The following ADARB2 variants were observed in gnomAD, a reference collection of about 807,000 sequenced individuals.
ADARB2 encodes adenosine deaminase RNA specific B2 (inactive), also known as inactive double-stranded RNA-specific editase B2.
ADARB2 carries 25 observed loss-of-function variants against 62.2 expected under a neutral mutation model. That is an observed-to-expected ratio of 0.40 (90% confidence interval 0.29 to 0.56). ADARB2 has a LOEUF of 0.56. Ranked by LOEUF, ADARB2 falls within the 20% of genes least tolerant of loss-of-function variation. The probability of loss-of-function intolerance (pLI) is 0.43; values close to 1 mark genes in which losing one functional copy is unlikely to be tolerated. For missense variants in ADARB2, 1,071 were observed against 1,077.4 expected (o/e 0.99, Z 0.08); for synonymous variants, 572 against 500.8 (o/e 1.14, Z -1.90).
intron 1 of ADARB2, among the ~76,000 whole-genome samples, chr10:1,667,812 T>C (rs1374297002): frequency 1.3e-5 from 2 of 152,242 alleles, no homozygotes; most frequent in African/African-American, 2.4e-5. Flanking sequence ...CCATTTGTAT[T>C]AATTCTCTTT....
chr10:1,301,070 A>G (rs1831568074), intron 3 of ADARB2, among the ~76,000 whole-genome samples: 1 of 152,218 alleles, frequency 6.6e-6, no homozygotes, highest in Non-Finnish European at 1.5e-5. Context: ...TACAGGGCAC[A>G]TAAGCACTGG....
intron 3 of ADARB2, among the ~76,000 whole-genome samples, chr10:1,348,922 G>A (rs185150487): frequency 3.3e-5 from 5 of 152,310 alleles, no homozygotes; most frequent in South Asian, 2.1e-4. Flanking sequence ...CAGGTGCTGC[G>A]AGAACGATGG....
chr10:1,731,326 C>T (rs556575416), intron 1 of ADARB2, among the ~76,000 whole-genome samples: 3 of 152,228 alleles, frequency 2.0e-5, no homozygotes, highest in East Asian at 1.9e-4. Flanking sequence ...ATCAAATAAA[C>T]GAGTAAATAA....
chr10:1,293,782 G>C (rs754366380), intron 3 of ADARB2, among the ~76,000 whole-genome samples: 19 of 152,118 alleles, frequency 1.2e-4, no homozygotes, highest in Non-Finnish European at 2.4e-4. Context: ...TGCATTCAAG[G>C]CTTTTCTTCC....
At chr10:1,523,076 C>T (rs1426441811) in intron 1 of ADARB2, among the ~76,000 whole-genome samples, 3 of 152,086 alleles carry the variant, frequency 2.0e-5, no homozygotes, top group East Asian at 1.9e-4. Flanking sequence ...AGAAGAGCAC[C>T]GACTCACGTT....
intron 3 of ADARB2, among the ~76,000 whole-genome samples, chr10:1,318,558 G>A (rs1831762945): frequency 6.6e-6 from 1 of 152,180 alleles, no homozygotes; most frequent in African/African-American, 2.4e-5. Flanking sequence ...CATCATCGCA[G>A]AGTGCTGGGG....
intron 1 of ADARB2, among the ~76,000 whole-genome samples, chr10:1,697,033 C>T (rs1383175711): frequency 2.6e-5 from 4 of 151,872 alleles, no homozygotes; most frequent in Admixed American, 2.6e-4. Context: ...TGGCCCAAGA[C>T]AGTTCTTCTT....
intron 6 of ADARB2, among the ~76,000 whole-genome samples, chr10:1,220,079 TG>T (rs1245247514): frequency 6.8e-6 from 1 of 147,054 alleles, no homozygotes; most frequent in African/African-American, 2.6e-5. Context: ...GTGATGGTGA[TG>T]ATGGTGGTAA....
intron 1 of ADARB2, among the ~76,000 whole-genome samples, chr10:1,726,959 C>G (rs1835175189): frequency 6.6e-6 from 1 of 152,144 alleles, no homozygotes; most frequent in South Asian, 2.1e-4. Context: ...GACTTGCTCT[C>G]TGGCGTTTTT....
intron 1 of ADARB2, among the ~76,000 whole-genome samples, chr10:1,724,840 C>A (rs1249871530): frequency 2.6e-5 from 4 of 152,144 alleles, no homozygotes; most frequent in Non-Finnish European, 5.9e-5. Context: ...TGTGGACAGC[C>A]ACAATGCCTG....
At chr10:1,271,585 CACA>C (rs1306277794) in intron 3 of ADARB2, among the ~76,000 whole-genome samples, 1 of 152,192 alleles carries the variant, frequency 6.6e-6, no homozygotes, top group Non-Finnish European at 1.5e-5. Context: ...ACATGCAACA[CACA>C]ACACACCTAG....
intron 1 of ADARB2, among the ~76,000 whole-genome samples, chr10:1,588,225 A>G (rs1833205073): frequency 6.6e-6 from 1 of 152,110 alleles, no homozygotes; most frequent in Non-Finnish European, 1.5e-5. Flanking sequence ...TGCTGCCCTG[A>G]AACACTCACC....
At chr10:1,248,940 G>T (rs1831011970) in intron 4 of ADARB2, among the ~76,000 whole-genome samples, 1 of 152,168 alleles carries the variant, frequency 6.6e-6, no homozygotes, top group South Asian at 2.1e-4. Context: ...GTGTTCTGGA[G>T]CATATAAAGA....
chr10:1,692,926 A>G (rs1320054032), intron 1 of ADARB2, among the ~76,000 whole-genome samples: 1 of 152,194 alleles, frequency 6.6e-6, no homozygotes, highest in Non-Finnish European at 1.5e-5. Flanking sequence ...TTCTGGGCTC[A>G]CAGAGCTGGC....
chr10:1,435,810 A>C (rs942708504), intron 1 of ADARB2, among the ~76,000 whole-genome samples: 3 of 152,218 alleles, frequency 2.0e-5, no homozygotes, highest in African/African-American at 7.2e-5. Flanking sequence ...GGAAGGTTTT[A>C]GTCCACATGT....
At chr10:1,292,557 G>C (rs556288827) in intron 3 of ADARB2, 1 of 152,304 alleles carries the variant, frequency 6.6e-6, no homozygotes, top group South Asian at 2.1e-4. Flanking sequence ...CAAAATGTCT[G>C]TATCACTCTC....
chr10:1,544,653 C>G (rs577463163), intron 1 of ADARB2, among the ~76,000 whole-genome samples: 1 of 152,008 alleles, frequency 6.6e-6, no homozygotes, highest in Admixed American at 6.6e-5. Context: ...CCTGCTCTTA[C>G]GTCTAGGAGG....
At chr10:1,607,971 C>A (rs1327130471) in intron 1 of ADARB2, among the ~76,000 whole-genome samples, 1 of 152,224 alleles carries the variant, frequency 6.6e-6, no homozygotes, top group Non-Finnish European at 1.5e-5. Flanking sequence ...CCCCACACAA[C>A]AGTGTGCAAG....
intron 1 of ADARB2, among the ~76,000 whole-genome samples, chr10:1,400,499 A>T (rs1487653307): frequency 1.3e-5 from 2 of 152,140 alleles, no homozygotes; most frequent in Non-Finnish European, 2.9e-5. Context: ...TCTCTACTAG[A>T]TGCCCTGAAA....
Sources: gnomAD v4.1 joint callset for allele counts (sites outside exome capture counted in the v4.1 genomes callset) on GRCh38, gnomAD v4.1.1 for gene constraint, MANE v1.5 for transcripts, NCBI Gene and HGNC (gene_info 2026-07-23, HGNC 2026-07-21) for gene names.